The following EFCAB13 variants were observed in gnomAD, a reference collection of about 807,000 sequenced individuals.
EFCAB13 encodes EF-hand calcium binding domain 13.
Under a neutral mutation model 110.2 loss-of-function variants are expected in EFCAB13, and 91 were observed. The ratio of observed to expected loss-of-function variants is 0.83; its 90% confidence interval spans 0.70 to 0.98. The LOEUF (loss-of-function observed/expected upper bound fraction) is 0.98. Ranked by LOEUF, EFCAB13 falls within the 50% of genes least tolerant of loss-of-function variation. The pLI is 0.00. For synonymous variants in EFCAB13, 323 were observed against 369.9 expected, an observed-to-expected ratio of 0.87 and a Z score of 1.45; for missense variants, 968 against 1,119.4, an observed-to-expected ratio of 0.86 and a Z score of 1.93.
chr17:47,353,513 G>A (rs961844762), intron 9 of EFCAB13, among the ~76,000 whole-genome samples: 5 of 151,788 alleles, frequency 3.3e-5, no homozygotes, highest in Non-Finnish European at 7.4e-5. Context: ...CCAGGCTGAT[G>A]TCGAACTCCT....
chr17:47,438,901 G>A (rs1905260324), intron 24 of EFCAB13, among the ~76,000 whole-genome samples: 1 of 152,016 alleles, frequency 6.6e-6, no homozygotes, highest in African/African-American at 2.4e-5. Context: ...CTGTACCCAG[G>A]TTCTAATATT....
intron 14 of EFCAB13, among the ~76,000 whole-genome samples, chr17:47,380,614 T>C (rs1390266779): frequency 2.6e-5 from 4 of 152,194 alleles, no homozygotes; most frequent in Non-Finnish European, 5.9e-5. Flanking sequence ...GATTGTTGGG[T>C]CAAATGGTAT....
At chr17:47,372,237 A>T in intron 11 of EFCAB13, among the ~76,000 whole-genome samples, 1 of 150,830 alleles carries the variant, frequency 6.6e-6, no homozygotes, top group African/African-American at 2.4e-5. Flanking sequence ...TCTTTTGTGT[A>T]TTTACTGTAG....
In EFCAB13 at chr17:47,379,324, G is replaced by C. The variant is rs2065633701; in HGVS notation, c.1582+71G>C. The C allele has an allele frequency of 4.1e-6, 5 of 1,229,954 alleles. No homozygotes were observed. In the East Asian group the frequency reaches 1.2e-4, roughly 29 times the overall value. 76.2% of individuals were successfully genotyped at this position (1,229,954 alleles called of 1,614,324 possible). Reference sequence around the variant, plus strand: ...GTGTTGAGAAGAATTAGGTTCAACAGAACTGGGCTTGCTTTTGGATGGATA... The same window carrying C: ...GTGTTGAGAAGAATTAGGTTCAACACAACTGGGCTTGCTTTTGGATGGATA... On this transcript the variant is annotated intron_variant, in intron 14 of 24. Coordinates refer to ENST00000331493, the MANE Select transcript of EFCAB13 (RefSeq NM_152347.5).
intron 23 of EFCAB13, among the ~76,000 whole-genome samples, chr17:47,422,159 ATAAT>A (rs1904742941): frequency 6.6e-6 from 1 of 152,186 alleles, no homozygotes; most frequent in African/African-American, 2.4e-5. Context: ...AAAAATAAAA[ATAAT>A]TCTTCATATT....
Position 47,420,188 on chromosome 17 carries a change from A to C in EFCAB13, c.2494+5269A>C, listed in dbSNP as rs1409270668. Among the ~76,000 whole-genome samples, 7 of 152,336 alleles carry C rather than the reference A, an allele frequency of 4.6e-5. No homozygotes were observed. In the South Asian group the frequency reaches 8.3e-4, roughly 18 times the overall value. Reference sequence around the variant, plus strand: ...TGGTCTCCAGCTCCTAACGTGAGTGATCCGCCAGCCTCGGCCTCCCAAGGT... The same window carrying C: ...TGGTCTCCAGCTCCTAACGTGAGTGCTCCGCCAGCCTCGGCCTCCCAAGGT... On this transcript the variant is annotated intron_variant, in intron 23 of 24. Coordinates refer to ENST00000331493, the MANE Select transcript of EFCAB13 (RefSeq NM_152347.5).
At chr17:47,414,784 T>G in intron 22 of EFCAB13, 64 bp from the exon 23 acceptor site, 1 of 1,076,692 alleles carries the variant, frequency 9.3e-7, no homozygotes, top group South Asian at 1.4e-5. Flanking sequence ...AAATCGGTCT[T>G]TATTTCATGT....
chr17:47,335,493 G>A, intron 5 of EFCAB13, 137 bp downstream of exon 5: 1 of 653,860 alleles, frequency 1.5e-6, no homozygotes, highest in East Asian at 3.4e-5. Context: ...CATTCTTTCA[G>A]TAGCATAATT....
intron 14 of EFCAB13, among the ~76,000 whole-genome samples, chr17:47,382,712 A>G (rs1019388303): frequency 1.3e-5 from 2 of 152,118 alleles, no homozygotes; most frequent in Admixed American, 1.3e-4. Context: ...TTTTCACATC[A>G]ATGTTCATAA....
intron 9 of EFCAB13, among the ~76,000 whole-genome samples, 194 bp downstream of exon 9, chr17:47,348,145 C>A (rs894103168): frequency 1.3e-5 from 2 of 151,172 alleles, no homozygotes; most frequent in Non-Finnish European, 3.0e-5. Flanking sequence ...GAAAATTGGC[C>A]TCAGGTTTAT....
chr17:47,392,751 A>C (rs1237950451), intron 15 of EFCAB13, among the ~76,000 whole-genome samples: 2 of 152,208 alleles, frequency 1.3e-5, no homozygotes, highest in Non-Finnish European at 2.9e-5. Context: ...AGGTGTGAGA[A>C]CTAAGGTTTA....
chr17:47,361,593 C>G (rs2065513911), intron 10 of EFCAB13, 72 bp downstream of exon 10: 1 of 1,322,382 alleles, frequency 7.6e-7, no homozygotes, highest in East Asian at 2.4e-5. Flanking sequence ...TTCCGGATAT[C>G]AATTTTGTGA....
intron 23 of EFCAB13, among the ~76,000 whole-genome samples, chr17:47,424,250 T>G (rs868832506): frequency 9.9e-5 from 15 of 152,124 alleles, no homozygotes; most frequent in Middle Eastern, 6.8e-3. Flanking sequence ...CGGCTCGGAG[T>G]GGCCCCTTGG....
rs1469703264 is a variant in EFCAB13, at chr17:47,374,764, C to T, written c.1170C>T (p.Asn390=). ...AACCATATTCAAAGAATGGCATAAACTTTAAAAAACATTCAGAGAAGGGTG... is the reference window on the plus strand; with the variant it reads ...AACCATATTCAAAGAATGGCATAAATTTTAAAAAACATTCAGAGAAGGGTG... ...VQEPYSKNGI[N]FKKHSEKGEI... The change falls in exon 12 of 25, where the codon AAC becomes AAT. Residue 390 remains asparagine (N), a synonymous_variant. Coordinates refer to ENST00000331493, the MANE Select transcript of EFCAB13 (RefSeq NM_152347.5). The T allele has an allele frequency of 1.2e-6, 2 of 1,613,950 alleles. No homozygotes were observed. Among genetic ancestry groups the T allele is most frequent in the Admixed American group, 1.7e-5 (1 of 59,990 alleles).
intron 24 of EFCAB13, among the ~76,000 whole-genome samples, chr17:47,430,997 A>T (rs372169770): frequency 6.6e-6 from 1 of 152,224 alleles, no homozygotes; most frequent in South Asian, 2.1e-4. Flanking sequence ...AATAATTGTT[A>T]TACACATTTA....
At chr17:47,331,022 G>A (rs2065317127) in intron 4 of EFCAB13, among the ~76,000 whole-genome samples, 1 of 152,072 alleles carries the variant, frequency 6.6e-6, no homozygotes. Flanking sequence ...CTGGTGATTG[G>A]TGATGTTGAG....
intron 23 of EFCAB13, chr17:47,423,624 T>C (rs1228319075): frequency 6.1e-6 from 2 of 325,374 alleles, no homozygotes; most frequent in Middle Eastern, 8.4e-4. Context: ...CCCCGGTCCA[T>C]TGTTTCGCTT....
At chr17:47,355,675 TG>T (rs1459816118) in intron 9 of EFCAB13, among the ~76,000 whole-genome samples, 1 of 150,484 alleles carries the variant, frequency 6.6e-6, no homozygotes, top group Non-Finnish European at 1.5e-5. Context: ...CAGGTTCAAG[TG>T]ATTCTTCTAC....
At chr17:47,332,599 A>G (rs1467202227) in intron 4 of EFCAB13, among the ~76,000 whole-genome samples, 1 of 144,666 alleles carries the variant, frequency 6.9e-6, no homozygotes, top group Non-Finnish European at 1.5e-5. Context: ...TCTGATAACC[A>G]TCTTTCTACT....
Sources: allele counts gnomAD v4.1 joint callset (sites outside exome capture counted in the v4.1 genomes callset), GRCh38; gene constraint gnomAD v4.1.1; transcripts MANE v1.5; gene names NCBI Gene and HGNC (gene_info 2026-07-23, HGNC 2026-07-21).